The following GPRIN3 variants were observed in gnomAD, a reference collection of about 807,000 sequenced individuals.
GPRIN3 encodes G protein-regulated inducer of neurite outgrowth 3.
A neutral mutation model predicts 13.7 loss-of-function variants in GPRIN3; 12 were observed. The observed-to-expected ratio is 0.87, with a 90% CI of 0.56 to 1.42. The LOEUF is 1.42. Ranked by LOEUF, GPRIN3 falls within the 40% of genes most tolerant of loss-of-function variation. The probability of loss-of-function intolerance (pLI) is 0.00; values close to 1 mark genes in which losing one functional copy is unlikely to be tolerated. For synonymous variants in GPRIN3, 377 were observed against 372.7 expected, an observed-to-expected ratio of 1.01 and a Z score of -0.13; for missense variants, 1,009 against 958.7, an observed-to-expected ratio of 1.05 and a Z score of -0.69.
chr4:89,238,333 T>G lies in GPRIN3; in HGVS notation c.*9447A>C, dbSNP rs1198755178. The G allele has an allele frequency of 6.6e-6, 1 of 152,202 alleles. No homozygotes were observed. The highest frequency in any genetic ancestry group is 1.5e-5 in the Non-Finnish European group (1 of 68,036). The allele number at this position is 152,202 out of a possible 1,614,324, so 9.4% of individuals were successfully genotyped here. A position where few individuals can be genotyped will look rare whatever the true frequency, so the allele number is the denominator to read the frequency against. ...ACTGTAGTGCTAGTTTTACTACTGG[T>G]CAAGTCAAACTGGGGATATGGCTGG... On this transcript the variant is annotated 3_prime_UTR_variant, in exon 2 of 2. Transcript: ENST00000609438.
At chr4:89,268,444 C>A (rs966399033) in intron 1 of GPRIN3, among the ~76,000 whole-genome samples, 3 of 152,138 alleles carry the variant, frequency 2.0e-5, no homozygotes, top group Non-Finnish European at 2.9e-5. Flanking sequence ...ATGGTTCAAG[C>A]ACAGGGAACA....
chr4:89,272,821 C>G (rs1278833653), intron 1 of GPRIN3, among the ~76,000 whole-genome samples: 1 of 152,168 alleles, frequency 6.6e-6, no homozygotes, highest in Non-Finnish European at 1.5e-5. Context: ...CTATTCAATT[C>G]TATTCCATTT....
intron 1 of GPRIN3, among the ~76,000 whole-genome samples, chr4:89,288,734 T>C (rs529098230): frequency 1.6e-4 from 24 of 152,328 alleles, no homozygotes; most frequent in African/African-American, 4.8e-4. Context: ...ATTTAGCCTA[T>C]GATTTATCTT....
chr4:89,276,223 C>T (rs1724089450), intron 1 of GPRIN3, among the ~76,000 whole-genome samples: 1 of 152,146 alleles, frequency 6.6e-6, no homozygotes, highest in South Asian at 2.1e-4. Context: ...ATATCATGTA[C>T]AATTTTATTT....
At chr4:89,250,335 T>G in intron 1 of GPRIN3, 102 bp from the exon 2 acceptor site, 1 of 650,232 alleles carries the variant, frequency 1.5e-6, no homozygotes. Context: ...AAACTTTTCT[T>G]CCCATACCTG....
intron 1 of GPRIN3, among the ~76,000 whole-genome samples, chr4:89,267,543 T>C (rs935397497): frequency 2.0e-5 from 3 of 152,198 alleles, no homozygotes; most frequent in African/African-American, 7.2e-5. Context: ...ACATGATGCA[T>C]CTGGTTCAAC....
Position 89,278,999 on chromosome 4 carries a change from T to A in GPRIN3, c.-124+28616A>T, listed in dbSNP as rs576226799. On this transcript the variant is annotated intron_variant, in intron 1 of 1. Transcript: ENST00000609438. ...CCATTTAAAGCCTCCAGATACAAAG[T>A]CCTGGGAGAGAGGCCCAGTTGGGCC... Among the ~76,000 whole-genome samples the A allele has an allele frequency of 2.6e-4, 39 of 152,192 alleles. 2 individuals carry two copies. The South Asian group carries it at 7.3e-3, about 28-fold the overall frequency.
chr4:89,303,713 C>G (rs1003005273), intron 1 of GPRIN3, among the ~76,000 whole-genome samples: 3 of 150,670 alleles, frequency 2.0e-5, no homozygotes, highest in African/African-American at 7.3e-5. Context: ...ACTACAGACA[C>G]CGTCACCATT....
At position 89,249,937 on chromosome 4, in the gene GPRIN3, G is replaced by A. The variant is rs1723275699; in HGVS notation, c.174C>T (p.Pro58=). ...SGAPAEPDLS[P]RAAAEALMQV... ...GCATCAGGGCTTCGGCAGCTGCCCT[G>A]GGGCTGAGGTCTGGTTCTGCAGGGG... The change falls in exon 2 of 2, where the codon CCC becomes CCT. Residue 58 remains proline (P), a synonymous_variant. Coordinates refer to ENST00000609438, the MANE Select transcript of GPRIN3 (RefSeq NM_198281.3). 2 of 1,614,076 alleles carry A rather than the reference G, an allele frequency of 1.2e-6. No individual in the cohort carries two copies. The highest frequency in any genetic ancestry group is 8.5e-7 in the Non-Finnish European group (1 of 1,180,022).
chr4:89,277,615 A>C (rs1250024024), intron 1 of GPRIN3, among the ~76,000 whole-genome samples: 2 of 152,150 alleles, frequency 1.3e-5, no homozygotes, highest in Non-Finnish European at 2.9e-5. Context: ...TAGTAATTCC[A>C]AACTCCTTTT....
intron 1 of GPRIN3, among the ~76,000 whole-genome samples, chr4:89,297,206 T>C (rs1301292725): frequency 1.3e-5 from 2 of 152,192 alleles, no homozygotes; most frequent in Non-Finnish European, 2.9e-5. Context: ...AAAGGAGAAG[T>C]GGTTTTAGCA....
At chr4:89,293,483 G>C (rs1724645563) in intron 1 of GPRIN3, among the ~76,000 whole-genome samples, 2 of 152,208 alleles carry the variant, frequency 1.3e-5, no homozygotes, top group Admixed American at 6.5e-5. Flanking sequence ...GCAGGCAGCA[G>C]CCAGGCTGCC....
At chr4:89,269,343 T>A (rs1003350421) in intron 1 of GPRIN3, among the ~76,000 whole-genome samples, 1 of 152,096 alleles carries the variant, frequency 6.6e-6, no homozygotes, top group Non-Finnish European at 1.5e-5. Context: ...ATTAAGGAGA[T>A]AGCAAATCAC....
Position 89,249,449 on chromosome 4 carries a change from C to T in GPRIN3, c.662G>A (p.Gly221Glu). 1 of 1,614,112 alleles carries T rather than the reference C, an allele frequency of 6.2e-7. No individual in the cohort carries two copies. Among genetic ancestry groups the T allele is most frequent in the Non-Finnish European group, 8.5e-7 (1 of 1,180,012 alleles). ...HSSSPVGGPEGERQGAICDSE... is the reference protein window; with the variant it reads ...HSSSPVGGPEEERQGAICDSE... ...GTCACAGATGGCTCCCTGCCTTTCC[C>T]CTTCAGGTCCACCTACAGGAGAGGA... The change falls in exon 2 of 2, where the codon GGG (glycine) becomes GAG (glutamate). Residue 221 changes from glycine (G) to glutamate (E), a missense_variant. Coordinates refer to ENST00000609438, the MANE Select transcript of GPRIN3 (RefSeq NM_198281.3).
In GPRIN3 at chr4:89,239,441, T is replaced by C. The variant is rs1722865549; in HGVS notation, c.*8339A>G. 6.6e-6 allele frequency: 1 copy of C among 152,212 alleles called. No individual in the cohort carries two copies. The highest frequency in any genetic ancestry group is 2.1e-4 in the South Asian group (1 of 4,836). The allele number at this position is 152,212 out of a possible 1,614,324, so 9.4% of individuals were successfully genotyped here. A position where few individuals can be genotyped will look rare whatever the true frequency, so the allele number is the denominator to read the frequency against. ...CAGGTATGCTGCACTTATAAACATG[T>C]ATACTTTTATTAGTTAAAAAACACT... On this transcript the variant is annotated 3_prime_UTR_variant, in exon 2 of 2. Coordinates refer to ENST00000609438, the MANE Select transcript of GPRIN3 (RefSeq NM_198281.3).
rs1722984098 is a variant in GPRIN3 at position 89,242,917 on chromosome 4, G to A, written c.*4863C>T. On this transcript the variant is annotated 3_prime_UTR_variant, in exon 2 of 2. Coordinates refer to ENST00000609438, the MANE Select transcript of GPRIN3 (RefSeq NM_198281.3). The stretch of plus-strand genomic sequence containing the variant: ...TATCATCACGTTTACTTACCTAACA[G>A]CCAAAAATAATGTTTCAGGATTGTT... 1 of 152,270 alleles carries A rather than the reference G, an allele frequency of 6.6e-6. No homozygotes were observed. Among genetic ancestry groups the A allele is most frequent in the South Asian group, 2.1e-4 (1 of 4,824 alleles). The allele number at this position is 152,270 out of a possible 1,614,324, so 9.4% of individuals were successfully genotyped here.
At chr4:89,293,849 T>A (rs1441028116) in intron 1 of GPRIN3, among the ~76,000 whole-genome samples, 1 of 152,198 alleles carries the variant, frequency 6.6e-6, no homozygotes, top group Non-Finnish European at 1.5e-5. Context: ...ACCATAGTGG[T>A]TCTGCTTTTC....
intron 1 of GPRIN3, among the ~76,000 whole-genome samples, chr4:89,275,136 C>G (rs200164237): frequency 1.3e-5 from 2 of 149,148 alleles, no homozygotes; most frequent in Non-Finnish European, 3.0e-5. Flanking sequence ...CTAAGTAACT[C>G]TGTGTGTGTG....
intron 1 of GPRIN3, among the ~76,000 whole-genome samples, chr4:89,295,815 G>C (rs1003230029): frequency 6.6e-6 from 1 of 152,010 alleles, no homozygotes; most frequent in Admixed American, 6.6e-5. Context: ...CATGATTTTA[G>C]CCTCATGTGC....
Sources: allele counts gnomAD v4.1 joint callset (sites outside exome capture counted in the v4.1 genomes callset), GRCh38; gene constraint gnomAD v4.1.1; transcripts MANE v1.5; gene names NCBI Gene and HGNC (gene_info 2026-07-23, HGNC 2026-07-21).